Variants in POP1 observed in about 807,000 individuals in gnomAD.
POP1 encodes the protein ribonucleases P/MRP protein subunit POP1.
Under a neutral mutation model 102.2 loss-of-function variants are expected in POP1, and 75 were observed. The observed-to-expected ratio is 0.73, with a 90% CI of 0.61 to 0.89. The LOEUF is 0.89. Among genes scored for constraint, POP1 ranks in the 40% least tolerant of loss-of-function variants. The pLI, the probability that POP1 is intolerant of heterozygous loss-of-function variation, is 0.00. For missense variants in POP1, 1,116 were observed against 1,267.4 expected (o/e 0.88, Z 1.81); for synonymous variants, 436 against 464.1 (o/e 0.94, Z 0.78).
intron 2 of POP1, among the ~76,000 whole-genome samples, chr8:98,126,184 G>T (rs982508557): frequency 1.3e-5 from 2 of 151,960 alleles, no homozygotes; most frequent in Non-Finnish European, 2.9e-5. Flanking sequence ...TTAGTATAGT[G>T]GCTCTCAATT....
intron 11 of POP1, 132 bp downstream of exon 11, chr8:98,141,020 C>G: frequency 9.6e-7 from 1 of 1,043,958 alleles, no homozygotes; most frequent in South Asian, 1.3e-5. Context: ...TCCTTACCTG[C>G]CCACTTTACA....
At chr8:98,131,733 A>G (rs1039548551) in intron 5 of POP1, among the ~76,000 whole-genome samples, 23 of 152,226 alleles carry the variant, frequency 1.5e-4, no homozygotes, top group African/African-American at 5.1e-4. Context: ...CCCACCAGCA[A>G]TACACAAGGG....
intron 1 of POP1, 79 bp from the exon 2 acceptor site, chr8:98,123,257 A>ATATT: frequency 3.3e-6 from 5 of 1,493,750 alleles, no homozygotes; most frequent in Middle Eastern, 1.8e-4. Flanking sequence ...AATCACATGA[A>ATATT]TATTTACTCA....
intron 5 of POP1, among the ~76,000 whole-genome samples, chr8:98,133,675 C>T (rs898271248): frequency 3.3e-5 from 5 of 152,098 alleles, no homozygotes; most frequent in South Asian, 2.1e-4. Context: ...AGTAGGATAC[C>T]GTAACTTACA....
Position 98,157,656 on chromosome 8 carries a change from G to A in POP1, c.2460G>A (p.Gly820=). ...KLLKQLSAWC[G]PSSEDSRGGR... Reference sequence around the variant, plus strand: ...TGAAGCAACTGTCAGCCTGGTGTGGGCCCAGTTCTGAGGATAGTCGGGGAG... The same window carrying A: ...TGAAGCAACTGTCAGCCTGGTGTGGACCCAGTTCTGAGGATAGTCGGGGAG... The change falls in exon 16 of 16, where the codon GGG becomes GGA. Residue 820 remains glycine, a synonymous_variant. Transcript: ENST00000401707. 6.2e-7 allele frequency: 1 copy of A among 1,614,234 alleles called. No homozygotes were observed. Among genetic ancestry groups the A allele is most frequent in the Non-Finnish European group, 8.5e-7 (1 of 1,180,026 alleles).
chr8:98,153,826 G>T (rs190572738), intron 14 of POP1, among the ~76,000 whole-genome samples: 10,723 of 152,156 alleles, frequency 0.07, 506 homozygotes, highest in Non-Finnish European at 0.11. Context: ...GTGAGTCACC[G>T]TGCCCGGCCC....
rs1816276018 is a variant in POP1 at position 98,128,462 on chromosome 8, A to G, written c.408A>G (p.Pro136=). ...ATTCACTGGTTTTTCAGACTCTGCC[A>G]CGGCACATGCGACGAAGAGCCATGA... ...SSNSLVFQTL[P]RHMRRRAMSH... The change falls in exon 4 of 16, where the codon CCA becomes CCG. Residue 136 remains proline (P), a synonymous_variant. Transcript: ENST00000401707. 1 of 1,613,900 alleles carries G rather than the reference A, an allele frequency of 6.2e-7. No individual in the cohort carries two copies. The highest frequency in any genetic ancestry group is 1.7e-5 in the Admixed American group (1 of 59,986).
At chr8:98,139,443 C>T (rs962706271) in intron 9 of POP1, among the ~76,000 whole-genome samples, 7 of 152,104 alleles carry the variant, frequency 4.6e-5, no homozygotes, top group Non-Finnish European at 1.0e-4. Context: ...GGAAGAGGAC[C>T]AGGCGTGTGG....
rs771454414 is a variant in POP1, at chr8:98,156,324, C to T, written c.2332C>T (p.Gln778Ter). Residue 778 changes from glutamine (Q) to a stop codon, truncating the protein, a stop_gained, in exon 15 of 16, where the codon CAA becomes TAA. Transcript: ENST00000401707. LOFTEE classifies it high-confidence loss of function. ...AGAGGAGGTAATGGATGCAGGGTGT[C>T]AAGAATCGGCAGGGCCTGAGAGGAT... Reference protein sequence around the residue: ...EAEEVMDAGCQESAGPERITD... With the variant: ...EAEEVMDAGC The T allele has an allele frequency of 2.5e-6, 4 of 1,613,970 alleles. No individual in the cohort carries two copies. Among genetic ancestry groups the T allele is most frequent in the Admixed American group, 3.3e-5 (2 of 60,004 alleles).
In POP1 at chr8:98,156,111, C is replaced by T; in HGVS notation, c.2119C>T (p.Pro707Ser). The T allele has an allele frequency of 1.2e-6, 2 of 1,614,140 alleles. No individual in the cohort carries two copies. The highest frequency in any genetic ancestry group is 1.7e-6 in the Non-Finnish European group (2 of 1,180,030). Reference protein sequence around the residue: ...KLGTLAPFCCPWEQLTQDWES... With the variant: ...KLGTLAPFCCSWEQLTQDWES... ...TGGCACTCTGGCACCTTTCTGCTGTCCCTGGGAGCAGTTAACTCAAGACTG... is the reference window on the plus strand; with the variant it reads ...TGGCACTCTGGCACCTTTCTGCTGTTCCTGGGAGCAGTTAACTCAAGACTG... Residue 707 changes from proline to serine, a missense_variant, in exon 15 of 16, where the codon CCC becomes TCC. Transcript: ENST00000401707.
Position 98,150,599 on chromosome 8 carries a change from G to A in POP1, c.2017G>A (p.Ala673Thr). 6.2e-7 allele frequency: 1 copy of A among 1,614,212 alleles called. No homozygotes were observed. ...FPDCPAGMLF[A>T]EEQAKNLLEK... The stretch of plus-strand genomic sequence containing the variant: ...AGACTGCCCTGCCGGGATGCTGTTT[G>A]CGGAAGAGCAAGCTAAGAATCTTCT... The change falls in exon 14 of 16, where the codon GCG (alanine) becomes ACG (threonine). Residue 673 changes from alanine (A) to threonine (T), a missense_variant. Ala to Thr is a moderately conservative substitution (Grantham distance 58). Coordinates refer to ENST00000401707, the MANE Select transcript of POP1 (RefSeq NM_001145860.2).
chr8:98,129,164 T>C (rs1332339539), intron 4 of POP1, among the ~76,000 whole-genome samples: 2 of 152,210 alleles, frequency 1.3e-5, no homozygotes, highest in African/African-American at 4.8e-5. Context: ...GTTTTGGATC[T>C]GTGTTTCTAG....
At chr8:98,155,524 C>G (rs1809623407) in intron 14 of POP1, among the ~76,000 whole-genome samples, 1 of 151,848 alleles carries the variant, frequency 6.6e-6, no homozygotes, top group Non-Finnish European at 1.5e-5. Context: ...GTGACGTGAT[C>G]CATCCGCCTG....
chr8:98,148,769 C>CA, intron 12 of POP1, 46 bp from the exon 13 acceptor site: 1 of 1,547,072 alleles, frequency 6.5e-7, no homozygotes, highest in Non-Finnish European at 8.9e-7. Context: ...GAGGATCTCC[C>CA]AGAAGACTAG....
chr8:98,121,996 T>C (rs1419216199), intron 1 of POP1, among the ~76,000 whole-genome samples: 1 of 151,922 alleles, frequency 6.6e-6, no homozygotes, highest in African/African-American at 2.4e-5. Flanking sequence ...ACCCAACTAA[T>C]TTTTGTATTT....
chr8:98,128,330 T>G, intron 3 of POP1, 35 bp from the exon 4 acceptor site: 2 of 1,602,866 alleles, frequency 1.2e-6, no homozygotes, highest in Non-Finnish European at 1.7e-6. Context: ...TAATTCAAGA[T>G]TGGTGTTTAA....
intron 11 of POP1, among the ~76,000 whole-genome samples, 188 bp from the exon 12 acceptor site, chr8:98,146,380 C>T (rs908753981): frequency 2.0e-5 from 3 of 152,174 alleles, no homozygotes; most frequent in Non-Finnish European, 4.4e-5. Context: ...GCTTAGGAGC[C>T]TTTGCTATGT....
chr8:98,139,444 A>G (rs1816643693), intron 9 of POP1, among the ~76,000 whole-genome samples: 1 of 152,180 alleles, frequency 6.6e-6, no homozygotes, highest in Non-Finnish European at 1.5e-5. Flanking sequence ...GAAGAGGACC[A>G]GGCGTGTGGC....
At chr8:98,126,979 A>G (rs1436136384) in intron 2 of POP1, among the ~76,000 whole-genome samples, 1 of 152,190 alleles carries the variant, frequency 6.6e-6, no homozygotes, top group Non-Finnish European at 1.5e-5. Flanking sequence ...CTTATAAATA[A>G]CAAATGTATT....
Sources: allele counts gnomAD v4.1 joint callset (sites outside exome capture counted in the v4.1 genomes callset), GRCh38; gene constraint gnomAD v4.1.1; transcripts MANE v1.5; gene names NCBI Gene and HGNC (gene_info 2026-07-23, HGNC 2026-07-21).